PEX14: variants seen among roughly 807,000 people sequenced by gnomAD.
PEX14 encodes the protein peroxisomal membrane protein PEX14.
PEX14 carries 15 observed loss-of-function variants against 49.5 expected under a neutral mutation model. The ratio of observed to expected loss-of-function variants is 0.30; its 90% CI spans 0.20 to 0.47. The LOEUF (loss-of-function observed/expected upper bound fraction) is 0.47. Among genes scored for constraint, PEX14 ranks in the 20% least tolerant of loss-of-function variants. The pLI is 1.00. For missense variants in PEX14, 398 were observed against 494.8 expected, an observed-to-expected ratio of 0.80 and a Z score of 1.86; for synonymous variants, 210 against 212.7, an observed-to-expected ratio of 0.99 and a Z score of 0.11.
chr1:10,505,292 G>A (rs1303940648), intron 2 of PEX14, among the ~76,000 whole-genome samples: 7 of 151,968 alleles, frequency 4.6e-5, no homozygotes, highest in South Asian at 4.1e-4. Context: ...GCAACGTGAC[G>A]AGGTGCCATC....
intron 3 of PEX14, among the ~76,000 whole-genome samples, chr1:10,564,957 G>A (rs1417728857): frequency 5.0e-5 from 7 of 139,088 alleles, no homozygotes; most frequent in South Asian, 2.2e-4. Context: ...AGGCTGGAGT[G>A]CAGTGGCACG....
At chr1:10,523,798 T>A in intron 2 of PEX14, among the ~76,000 whole-genome samples, 1 of 143,032 alleles carries the variant, frequency 7.0e-6, no homozygotes, top group Non-Finnish European at 1.5e-5. Flanking sequence ...TCATTCAAAC[T>A]TACAAGAAAT....
rs1460592617 is a variant in PEX14 at position 10,536,194 on chromosome 1, A to G, written c.85-19A>G. The G allele has an allele frequency of 1.3e-6, 2 of 1,536,022 alleles. No homozygotes were observed. The highest frequency in any genetic ancestry group is 2.2e-5 in the East Asian group (1 of 44,548). On this transcript the variant is annotated intron_variant, in intron 2 of 8. Coordinates refer to ENST00000356607, the MANE Select transcript of PEX14 (RefSeq NM_004565.3). ...CTATTGAAGTGAAGTTTACTCCTCT[A>G]TTTTCTCTCTCTCACCAGATTGCCA...
In PEX14 at chr1:10,514,331, C is replaced by T. The variant is rs569536700; in HGVS notation, c.84+19010C>T. Among the ~76,000 whole-genome samples, 11 of 152,034 alleles carry T rather than the reference C, an allele frequency of 7.2e-5. No individual in the cohort carries two copies. Among genetic ancestry groups the T allele is most frequent in the Non-Finnish European group, 1.3e-4 (9 of 68,020 alleles). On this transcript the variant is annotated intron_variant, in intron 2 of 8. Coordinates refer to ENST00000356607, the MANE Select transcript of PEX14 (RefSeq NM_004565.3). The surrounding 1 kb of genome is among the most constrained non-coding windows in gnomAD (Gnocchi z 4.4). ...TTGTGCATCTGTATGTGTGTATGTG[C>T]GAGCGCCTGTGTACGCACGTGGTCG...
chr1:10,535,788 TGTGTGC>T (rs1036403160), intron 2 of PEX14: 8 of 327,662 alleles, frequency 2.4e-5, no homozygotes, highest in Non-Finnish European at 4.8e-5. Context: ...TGTGTGTGTG[TGTGTGC>T]GTGTGTACGT....
At chr1:10,489,847 G>T (rs1337012938) in intron 1 of PEX14, among the ~76,000 whole-genome samples, 3 of 152,200 alleles carry the variant, frequency 2.0e-5, no homozygotes, top group Non-Finnish European at 2.9e-5. Flanking sequence ...TGATTTTAGG[G>T]CCCAAGTAAT....
chr1:10,584,505 G>A (rs1453694160), intron 3 of PEX14, among the ~76,000 whole-genome samples: 1 of 152,156 alleles, frequency 6.6e-6, no homozygotes, highest in African/African-American at 2.4e-5. Context: ...ATATTTAAGG[G>A]GTAGGGTGTG....
chr1:10,558,780 A>G (rs1350793097), intron 3 of PEX14, among the ~76,000 whole-genome samples: 7 of 151,958 alleles, frequency 4.6e-5, no homozygotes, highest in South Asian at 4.1e-4. Context: ...TACTTTGGAA[A>G]GAATTGGTGT....
intron 2 of PEX14, among the ~76,000 whole-genome samples, chr1:10,517,705 A>G (rs1337440812): frequency 5.0e-5 from 7 of 139,226 alleles, no homozygotes. Flanking sequence ...TTTTTTTTTT[A>G]AATGAAGGTT....
At position 10,509,066 on chromosome 1, in the gene PEX14, A is replaced by G. The variant is rs188565808; in HGVS notation, c.84+13745A>G. On this transcript the variant is annotated intron_variant, in intron 2 of 8. Coordinates refer to ENST00000356607, the MANE Select transcript of PEX14 (RefSeq NM_004565.3). ...ATTCTCCTGCCTCAGCCTCCCGAGT[A>G]GCTGGGACTACAGGCGCCCGCCGCC... 6.3e-3 allele frequency among the ~76,000 whole-genome samples: 959 copies of G among 152,100 alleles called. 8 individuals carry two copies. The highest frequency in any genetic ancestry group is 0.022 in the African/African-American group (897 of 41,494).
chr1:10,565,696 A>G (rs1443742293), intron 3 of PEX14, among the ~76,000 whole-genome samples: 2 of 152,170 alleles, frequency 1.3e-5, no homozygotes, highest in Non-Finnish European at 2.9e-5. Flanking sequence ...TCAACTTTGG[A>G]TCTTAAGCTC....
intron 1 of PEX14, among the ~76,000 whole-genome samples, chr1:10,493,550 C>T (rs1641506619): frequency 6.6e-6 from 1 of 152,126 alleles, no homozygotes; most frequent in Non-Finnish European, 1.5e-5. Context: ...GCCCCAGCTT[C>T]CCAAATAGCT....
chr1:10,500,017 C>A (rs1373489800), intron 2 of PEX14, among the ~76,000 whole-genome samples: 1 of 151,884 alleles, frequency 6.6e-6, no homozygotes, highest in African/African-American at 2.4e-5. Context: ...CCTGGGACAC[C>A]CAAGATTTTC....
intron 2 of PEX14, among the ~76,000 whole-genome samples, chr1:10,499,063 C>T (rs1295376968): frequency 6.6e-6 from 1 of 152,214 alleles, no homozygotes; most frequent in East Asian, 1.9e-4. Context: ...GACAATTGTC[C>T]ACATGTGCAT....
chr1:10,499,360 C>T (rs928620797), intron 2 of PEX14, among the ~76,000 whole-genome samples: 1 of 152,000 alleles, frequency 6.6e-6, no homozygotes, highest in Non-Finnish European at 1.5e-5. Context: ...TCGTCTCTTC[C>T]TTTAACTTTT....
intron 4 of PEX14, among the ~76,000 whole-genome samples, chr1:10,614,431 A>AC (rs1641355029): frequency 6.6e-6 from 1 of 152,082 alleles, no homozygotes; most frequent in African/African-American, 2.4e-5. Context: ...GGCTGCAGGG[A>AC]CCACAGGTGT....
rs148027604 is a variant in PEX14 at position 10,531,421 on chromosome 1, T to G, written c.85-4792T>G. Among the ~76,000 whole-genome samples the G allele has an allele frequency of 4.5e-3, 688 of 152,354 alleles. 3 individuals are homozygous for G. The highest frequency in any genetic ancestry group is 0.014 in the Middle Eastern group (4 of 294). On this transcript the variant is annotated intron_variant, in intron 2 of 8. Coordinates refer to ENST00000356607, the MANE Select transcript of PEX14 (RefSeq NM_004565.3). ...AGTGCCTGGCTTTTTAAGTCAGTCC[T>G]TGTTAAAACTCGAGTTGGCTTTGGT...
At chr1:10,537,341 A>AACCCCCCCCCCCCCC (rs1553187430) in intron 3 of PEX14, among the ~76,000 whole-genome samples, 3 of 28,428 alleles carry the variant, frequency 1.1e-4, no homozygotes, top group African/African-American at 4.2e-4. Context: ...TTGTGCCAGC[A>AACCCCCCCCCCCCCC]CCCCCCCCCC....
chr1:10,496,992 A>C (rs532494407), intron 2 of PEX14, among the ~76,000 whole-genome samples: 23 of 151,800 alleles, frequency 1.5e-4, no homozygotes, highest in South Asian at 4.2e-4. Flanking sequence ...AATTAAAAAA[A>C]CCCCCGAAAT....
Sources: allele counts gnomAD v4.1 joint callset (sites outside exome capture counted in the v4.1 genomes callset), GRCh38; gene constraint gnomAD v4.1.1; non-coding constraint Gnocchi (gnomAD v3.1); transcripts MANE v1.5; gene names NCBI Gene and HGNC (gene_info 2026-07-23, HGNC 2026-07-21).